ELOVL7: variants seen among roughly 807,000 people sequenced by gnomAD.
ELOVL7 encodes the protein ELOVL fatty acid elongase 7.
ELOVL7 carries 27 observed loss-of-function variants against 35.7 expected under a neutral mutation model. The ratio of observed to expected loss-of-function variants is 0.76; its 90% confidence interval spans 0.56 to 1.04. The LOEUF is 1.04. Among genes scored for constraint, ELOVL7 ranks in the 50% least tolerant of loss-of-function variants. ELOVL7 has a pLI of 0.00. For synonymous variants in ELOVL7, 113 were observed against 114.6 expected, an observed-to-expected ratio of 0.99 and a Z score of 0.09; for missense variants, 327 against 340.8, an observed-to-expected ratio of 0.96 and a Z score of 0.32.
At chr5:60,779,887 C>T (rs1743131452) in intron 3 of ELOVL7, among the ~76,000 whole-genome samples, 1 of 152,130 alleles carries the variant, frequency 6.6e-6, no homozygotes, top group African/African-American at 2.4e-5. Flanking sequence ...ATTTCTTCTG[C>T]CAGATACCCT....
intron 4 of ELOVL7, chr5:60,768,620 T>A (rs1323171617): frequency 2.2e-6 from 1 of 446,414 alleles, no homozygotes; most frequent in African/African-American, 2.0e-5. Flanking sequence ...GAAGTGTAAT[T>A]CAAAGATTAT....
intron 2 of ELOVL7, 154 bp from the exon 3 acceptor site, chr5:60,787,585 T>C (rs1184387535): frequency 2.1e-6 from 1 of 476,862 alleles, no homozygotes; most frequent in African/African-American, 2.0e-5. Context: ...AGTAAATTAC[T>C]TTAAACCCTG....
At chr5:60,842,431 G>A (rs1350269121) in intron 1 of ELOVL7, among the ~76,000 whole-genome samples, 4 of 146,268 alleles carry the variant, frequency 2.7e-5, no homozygotes, top group African/African-American at 1.0e-4. Context: ...GGAAAGCACA[G>A]AATCTTAAGC....
In ELOVL7 at chr5:60,753,228, G is replaced by GA. The variant is rs1022439139; in HGVS notation, c.*1395dup. ...TAAATAAAAGAAGAAAAAAAATAGG[G>GA]AAAAATTCACAAATGTCCAAATATT... is the stretch of plus-strand genomic sequence containing the variant. On this transcript the variant is annotated 3_prime_UTR_variant, in exon 9 of 9. Transcript: ENST00000508821. 6.6e-6 allele frequency: 1 copy of GA among 151,818 alleles called. No individual in the cohort carries two copies. Among genetic ancestry groups the GA allele is most frequent in the African/African-American group, 2.4e-5 (1 of 41,362 alleles). The allele number at this position is 151,818 out of a possible 1,614,324, so 9.4% of individuals were successfully genotyped here.
At chr5:60,798,320 A>C (rs1389600758) in intron 2 of ELOVL7, among the ~76,000 whole-genome samples, 1 of 152,218 alleles carries the variant, frequency 6.6e-6, no homozygotes, top group Non-Finnish European at 1.5e-5. Context: ...ATCTCTTCAG[A>C]TCTGCAAGCA....
chr5:60,796,009 T>C (rs6876346), intron 2 of ELOVL7, among the ~76,000 whole-genome samples: 123,790 of 151,966 alleles, frequency 0.81, 50,652 homozygotes, highest in East Asian at 0.9. Context: ...AACAGTATTG[T>C]ATAGACAGTC....
intron 1 of ELOVL7, among the ~76,000 whole-genome samples, chr5:60,820,470 A>G (rs1372929425): frequency 6.6e-6 from 1 of 152,234 alleles, no homozygotes; most frequent in Non-Finnish European, 1.5e-5. Context: ...CCATTTGTCA[A>G]GCCTGTTCCA....
chr5:60,763,253 C>G (rs1260878620), intron 7 of ELOVL7, among the ~76,000 whole-genome samples: 1 of 152,154 alleles, frequency 6.6e-6, no homozygotes, highest in East Asian at 1.9e-4. Flanking sequence ...GATTCACAGC[C>G]CCTGTGGCTC....
At chr5:60,811,582 A>T (rs542074760) in intron 1 of ELOVL7, among the ~76,000 whole-genome samples, 3 of 152,242 alleles carry the variant, frequency 2.0e-5, no homozygotes, top group Non-Finnish European at 4.4e-5. Flanking sequence ...AAAGGCCATC[A>T]ACCTTTGTCT....
chr5:60,803,843 A>C (rs765504044), intron 1 of ELOVL7, among the ~76,000 whole-genome samples: 4 of 152,194 alleles, frequency 2.6e-5, no homozygotes, highest in Non-Finnish European at 5.9e-5. Context: ...TTCCACGTCA[A>C]ACAGAACCTC....
chr5:60,812,650 G>T lies in ELOVL7; in HGVS notation c.-85-13420C>A, dbSNP rs78619351. Among the ~76,000 whole-genome samples, 387 of 152,298 alleles carry T rather than the reference G, an allele frequency of 2.5e-3. 3 individuals carry two copies. Among genetic ancestry groups the T allele is most frequent in the African/African-American group, 9.0e-3 (375 of 41,570 alleles). ...GTGACTCTTCTCAGATAATCATCTT[G>T]CTTGGTTAAAGGTTTCCTCTCTCAC... On this transcript the variant is annotated intron_variant, in intron 1 of 8. Transcript: ENST00000508821.
rs1741320650 is a variant in ELOVL7, at chr5:60,752,309, A to G, written c.*2315T>C. On this transcript the variant is annotated 3_prime_UTR_variant, in exon 9 of 9. Transcript: ENST00000508821. Reference sequence around the variant, plus strand: ...CTCTCCACTTCTATTCATATAATTGAGTATGTGTTTTATTACATGTTAGCT... The same window carrying G: ...CTCTCCACTTCTATTCATATAATTGGGTATGTGTTTTATTACATGTTAGCT... 1 of 152,642 alleles carries G rather than the reference A, an allele frequency of 6.6e-6. No individual in the cohort carries two copies. 9.5% of individuals were successfully genotyped at this position (152,642 alleles called of 1,614,324 possible).
At chr5:60,777,185 A>G (rs1742958952) in intron 3 of ELOVL7, among the ~76,000 whole-genome samples, 1 of 152,110 alleles carries the variant, frequency 6.6e-6, no homozygotes, top group Non-Finnish European at 1.5e-5. Context: ...TGGTGGCACG[A>G]CAGGCTGACT....
chr5:60,777,190 C>G (rs74402634), intron 3 of ELOVL7, among the ~76,000 whole-genome samples: 4,083 of 151,952 alleles, frequency 0.027, 146 homozygotes, highest in African/African-American at 0.075. Context: ...GCACGACAGG[C>G]TGACTTATAG....
intron 2 of ELOVL7, among the ~76,000 whole-genome samples, chr5:60,789,413 G>A (rs538394519): frequency 6.6e-6 from 1 of 152,188 alleles, no homozygotes; most frequent in South Asian, 2.1e-4. Context: ...TATTGAATAG[G>A]CCAAAATTCA....
chr5:60,811,175 T>TA (rs375538213), intron 1 of ELOVL7, among the ~76,000 whole-genome samples: 8 of 151,990 alleles, frequency 5.3e-5, no homozygotes, highest in South Asian at 2.1e-4. Context: ...GTACTTTTTT[T>TA]AAAAAAAACT....
At chr5:60,779,095 A>T (rs1743081361) in intron 3 of ELOVL7, among the ~76,000 whole-genome samples, 1 of 152,214 alleles carries the variant, frequency 6.6e-6, no homozygotes, top group African/African-American at 2.4e-5. Flanking sequence ...GTGGGCTCCC[A>T]TGGCCTTGGG....
rs565207152 is a variant in ELOVL7 at position 60,843,716 on chromosome 5, C to G, written c.-86+444G>C. On this transcript the variant is annotated intron_variant, in intron 1 of 8. Transcript: ENST00000508821. Reference sequence around the variant, plus strand: ...CGTCCAAGGTCGAGCAGGTCCTTCTCCCTCCCAGTCCCGCCGGCGAGCACC... The same window carrying G: ...CGTCCAAGGTCGAGCAGGTCCTTCTGCCTCCCAGTCCCGCCGGCGAGCACC... 3.7e-3 allele frequency among the ~76,000 whole-genome samples: 562 copies of G among 152,340 alleles called. 1 individual carries two copies. The highest frequency in any genetic ancestry group is 5.2e-3 in the Non-Finnish European group (357 of 68,028).
chr5:60,836,455 G>A (rs527303114), intron 1 of ELOVL7, among the ~76,000 whole-genome samples: 11 of 152,138 alleles, frequency 7.2e-5, no homozygotes, highest in Non-Finnish European at 1.5e-4. Flanking sequence ...TGAATGATAA[G>A]CAGCAAAGGG....
Sources: gnomAD v4.1 joint callset for allele counts (sites outside exome capture counted in the v4.1 genomes callset) on GRCh38, gnomAD v4.1.1 for gene constraint, MANE v1.5 for transcripts, NCBI Gene and HGNC (gene_info 2026-07-23, HGNC 2026-07-21) for gene names.